L3MBTL4: variants seen among roughly 807,000 people sequenced by gnomAD.
L3MBTL4 encodes L3MBTL histone methyl-lysine binding protein 4.
L3MBTL4 carries 70 observed loss-of-function variants against 84.5 expected under a neutral mutation model. The observed-to-expected ratio is 0.83, with a 90% CI of 0.68 to 1.01. L3MBTL4 has a LOEUF of 1.01. Ranked by LOEUF, L3MBTL4 falls within the 50% of genes least tolerant of loss-of-function variation. The pLI is 0.00. For missense variants in L3MBTL4, 715 were observed against 754.8 expected (o/e 0.95, Z 0.62); for synonymous variants, 274 against 259.8 (o/e 1.05, Z -0.52).
intron 17 of L3MBTL4, among the ~76,000 whole-genome samples, chr18:5,968,984 G>C (rs1457846583): frequency 6.6e-6 from 1 of 152,172 alleles, no homozygotes; most frequent in African/African-American, 2.4e-5. Context: ...TGAGGTGCAG[G>C]ATGTCCTGGG....
chr18:6,147,609 G>A (rs142107180), intron 13 of L3MBTL4, among the ~76,000 whole-genome samples: 1 of 152,272 alleles, frequency 6.6e-6, no homozygotes, highest in East Asian at 1.9e-4. Context: ...CTAACCATCT[G>A]CCTGACATAG....
chr18:5,959,558 G>A (rs1230839365), intron 18 of L3MBTL4, among the ~76,000 whole-genome samples: 3 of 152,112 alleles, frequency 2.0e-5, no homozygotes, highest in Admixed American at 6.5e-5. Context: ...TAGAAACCCC[G>A]TAGAAGGATT....
intron 12 of L3MBTL4, among the ~76,000 whole-genome samples, chr18:6,208,966 A>T (rs1949214193): frequency 1.3e-5 from 2 of 152,184 alleles, no homozygotes; most frequent in Non-Finnish European, 2.9e-5. Flanking sequence ...GTTTAAGTGG[A>T]TTTATGAGGG....
At chr18:6,171,791 G>T in intron 13 of L3MBTL4, 37 bp downstream of exon 13, 1 of 1,239,700 alleles carries the variant, frequency 8.1e-7, no homozygotes, top group Non-Finnish European at 1.1e-6. Flanking sequence ...ATCAGGCCAA[G>T]TATTTAAAAA....
chr18:6,134,253 T>C (rs2059962594), intron 14 of L3MBTL4, among the ~76,000 whole-genome samples: 1 of 152,142 alleles, frequency 6.6e-6, no homozygotes, highest in East Asian at 1.9e-4. Context: ...CCCTGGGTCC[T>C]TCCCACAACA....
chr18:6,229,832 TCCATCTCTATC>T (rs2046922448), intron 10 of L3MBTL4, among the ~76,000 whole-genome samples: 1 of 152,130 alleles, frequency 6.6e-6, no homozygotes. Context: ...CACTCTCTAT[TCCATCTCTATC>T]CCCATGTGAG....
intron 14 of L3MBTL4, among the ~76,000 whole-genome samples, chr18:6,131,013 C>A (rs1417680409): frequency 3.3e-5 from 5 of 151,970 alleles, no homozygotes; most frequent in African/African-American, 1.2e-4. Flanking sequence ...AAAAGGACAC[C>A]CAGGGTCCAC....
chr18:6,289,026 A>T (rs1456461534), intron 4 of L3MBTL4, among the ~76,000 whole-genome samples: 1 of 151,992 alleles, frequency 6.6e-6, no homozygotes, highest in East Asian at 1.9e-4. Flanking sequence ...AAATTTAAAG[A>T]AAAAAATTTG....
intron 1 of L3MBTL4, chr18:6,395,035 G>A (rs918921399): frequency 3.3e-5 from 5 of 151,914 alleles, no homozygotes; most frequent in East Asian, 1.9e-4. Context: ...ATCTTGTTCC[G>A]TTACTTCATA....
At chr18:6,152,270 T>C (rs2042930474) in intron 13 of L3MBTL4, among the ~76,000 whole-genome samples, 1 of 152,192 alleles carries the variant, frequency 6.6e-6, no homozygotes, top group Non-Finnish European at 1.5e-5. Flanking sequence ...CTGGATCTCA[T>C]GGTAGTTCTA....
chr18:6,300,555 A>G (rs1467918562), intron 4 of L3MBTL4, among the ~76,000 whole-genome samples: 2 of 152,260 alleles, frequency 1.3e-5, no homozygotes, highest in African/African-American at 4.8e-5. Flanking sequence ...AAGCTATTTG[A>G]GATAAATATA....
At chr18:6,203,255 C>CA (rs1029641110) in intron 12 of L3MBTL4, among the ~76,000 whole-genome samples, 1 of 152,066 alleles carries the variant, frequency 6.6e-6, no homozygotes, top group East Asian at 1.9e-4. Flanking sequence ...GTTCCCTCCA[C>CA]AAAAAAACAG....
intron 10 of L3MBTL4, among the ~76,000 whole-genome samples, chr18:6,227,999 G>C (rs753267100): frequency 6.6e-6 from 1 of 152,116 alleles, no homozygotes; most frequent in Non-Finnish European, 1.5e-5. Flanking sequence ...ACACATAATA[G>C]TTGTACACTA....
chr18:6,262,539 T>C (rs1318600108), intron 5 of L3MBTL4, among the ~76,000 whole-genome samples: 2 of 152,162 alleles, frequency 1.3e-5, no homozygotes, highest in African/African-American at 2.4e-5. Context: ...AAACCTTCTA[T>C]GGTAGTCAGC....
chr18:6,131,478 A>G (rs1422882569), intron 14 of L3MBTL4, among the ~76,000 whole-genome samples: 1 of 152,176 alleles, frequency 6.6e-6, no homozygotes, highest in Non-Finnish European at 1.5e-5. Flanking sequence ...TGTCTTGTAA[A>G]ATGATGCCTC....
chr18:6,385,347 G>A (rs1010906211), intron 1 of L3MBTL4, among the ~76,000 whole-genome samples: 10 of 152,160 alleles, frequency 6.6e-5, no homozygotes, highest in Admixed American at 5.2e-4. Flanking sequence ...GGCTGCAGTG[G>A]GCTGTGACTG....
At chr18:6,081,011 T>C in intron 15 of L3MBTL4, 60 bp from the exon 16 acceptor site, 4 of 1,265,544 alleles carry the variant, frequency 3.2e-6, no homozygotes, top group Non-Finnish European at 4.5e-6. Context: ...GAAGAAATCA[T>C]GATAGCAGCA....
chr18:5,972,504 C>G (rs1286471682), intron 16 of L3MBTL4, among the ~76,000 whole-genome samples: 1 of 152,100 alleles, frequency 6.6e-6, no homozygotes, highest in Non-Finnish European at 1.5e-5. Context: ...GTGGCAGGTA[C>G]TACTTTAACT....
intron 12 of L3MBTL4, among the ~76,000 whole-genome samples, chr18:6,189,970 G>A (rs2044991301): frequency 6.6e-6 from 1 of 152,150 alleles, no homozygotes; most frequent in Non-Finnish European, 1.5e-5. Flanking sequence ...TGTCTGAAGA[G>A]ATGATGGCTG....
Sources: allele counts gnomAD v4.1 joint callset (sites outside exome capture counted in the v4.1 genomes callset), GRCh38; gene constraint gnomAD v4.1.1; transcripts MANE v1.5; gene names NCBI Gene and HGNC (gene_info 2026-07-23, HGNC 2026-07-21).